PADI1: variants seen among roughly 807,000 people sequenced by gnomAD.
The protein encoded by PADI1 is protein-arginine deiminase type-1.
Under a neutral mutation model 74.8 loss-of-function variants are expected in PADI1, and 65 were observed. The observed-to-expected ratio is 0.87, with a 90% CI of 0.71 to 1.07. The LOEUF is 1.07. Among genes scored for constraint, PADI1 ranks in the 50% least tolerant of loss-of-function variants. The pLI is 0.00. For missense variants in PADI1, 943 were observed against 854.0 expected, an observed-to-expected ratio of 1.10 and a Z score of -1.30; for synonymous variants, 371 against 336.2, an observed-to-expected ratio of 1.10 and a Z score of -1.13.
chr1:17,216,960 A>T (rs1442134901), intron 1 of PADI1, among the ~76,000 whole-genome samples: 1 of 149,074 alleles, frequency 6.7e-6, no homozygotes, highest in East Asian at 2.0e-4. Context: ...AACCATATTG[A>T]TGTGGCAGGT....
intron 15 of PADI1, among the ~76,000 whole-genome samples, chr1:17,242,510 G>A (rs1354002822): frequency 6.6e-6 from 1 of 152,192 alleles, no homozygotes; most frequent in East Asian, 1.9e-4. Context: ...TGAAGGTGGC[G>A]GGGAGGGCCT....
At position 17,244,036 on chromosome 1, in the gene PADI1, C is replaced by T. The variant is rs760105951; in HGVS notation, c.1785C>T (p.Tyr595=). The T allele has an allele frequency of 1.9e-6, 3 of 1,613,988 alleles. No homozygotes were observed. The highest frequency in any genetic ancestry group is 1.7e-6 in the Non-Finnish European group (2 of 1,179,886). The part of the protein sequence containing the change: ...DMVNMVVLGK[Y]LGIPKPYGPI... ...TTAACATGGTGGTCTTAGGCAAGTACCTGGGCATCCCCAAGCCCTACGGGC... is the reference window on the plus strand; with the variant it reads ...TTAACATGGTGGTCTTAGGCAAGTATCTGGGCATCCCCAAGCCCTACGGGC... The change falls in exon 16 of 16, where the codon TAC becomes TAT. Residue 595 remains tyrosine, a synonymous_variant. Coordinates refer to ENST00000375471, the MANE Select transcript of PADI1 (RefSeq NM_013358.3).
rs759785944 is a variant in PADI1, at chr1:17,237,345, C to T, written c.1345C>T (p.Arg449Trp). The change falls in exon 12 of 16, where the codon CGG (arginine) becomes TGG (tryptophan). Residue 449 changes from arginine (R) to tryptophan (W), a missense_variant. Physicochemically the swap from Arg to Trp is moderately radical, Grantham distance 101. Transcript: ENST00000375471. ...TGGGCGGCAGATGGCCAGGGCAGTG[C>T]GGAACTTCCTGAAGGCACAGCAGGT... ...SGGRQMARAV[R>W]NFLKAQQVQA... is the part of the protein sequence containing the mutation. 66 of 1,611,694 alleles carry T rather than the reference C, an allele frequency of 4.1e-5. No individual in the cohort carries two copies. The highest frequency in any genetic ancestry group is 5.3e-5 in the Non-Finnish European group (62 of 1,178,810).
intron 15 of PADI1, among the ~76,000 whole-genome samples, chr1:17,243,235 C>T (rs2072813007): frequency 2.0e-5 from 3 of 152,218 alleles, no homozygotes; most frequent in African/African-American, 4.8e-5. Flanking sequence ...GGAGAATTCC[C>T]ATCCCCAGAT....
chr1:17,232,937 T>G lies in PADI1; in HGVS notation c.1280T>G (p.Leu427Arg). ...PVTVGGTEYPLGRILIGSSFP... is the reference protein window; with the variant it reads ...PVTVGGTEYPRGRILIGSSFP... ...ACGGTGGGCGGCACGGAATACCCCCTGGGCCGGATCCTCATCGGGAGCAGC... is the reference window on the plus strand; with the variant it reads ...ACGGTGGGCGGCACGGAATACCCCCGGGGCCGGATCCTCATCGGGAGCAGC... The change falls in exon 11 of 16, where the codon CTG becomes CGG. Residue 427 changes from leucine to arginine, a missense_variant. Transcript: ENST00000375471. 1 of 1,610,942 alleles carries G rather than the reference T, an allele frequency of 6.2e-7. No individual in the cohort carries two copies. Among genetic ancestry groups the G allele is most frequent in the Non-Finnish European group, 8.5e-7 (1 of 1,179,336 alleles).
At chr1:17,211,414 C>T (rs2071831341) in intron 1 of PADI1, among the ~76,000 whole-genome samples, 1 of 152,042 alleles carries the variant, frequency 6.6e-6, no homozygotes, top group Non-Finnish European at 1.5e-5. Context: ...TGACCTCAGC[C>T]TCCCAAAGTG....
In PADI1 at chr1:17,244,803, G is replaced by A. The variant is rs983472591; in HGVS notation, c.*560G>A. ...CCCATCCAGCACCCTTCAGCTGTGT[G>A]TGGACAAACAAGGACAGAAAAACCC... On this transcript the variant is annotated 3_prime_UTR_variant, in exon 16 of 16. Coordinates refer to ENST00000375471, the MANE Select transcript of PADI1 (RefSeq NM_013358.3). 4 of 239,524 alleles carry A rather than the reference G, an allele frequency of 1.7e-5. No homozygotes were observed. Among genetic ancestry groups the A allele is most frequent in the South Asian group, 5.3e-5 (1 of 18,750 alleles). The allele number at this position is 239,524 out of a possible 1,614,324, so 14.8% of individuals were successfully genotyped here.
intron 11 of PADI1, among the ~76,000 whole-genome samples, 172 bp from the exon 12 acceptor site, chr1:17,237,142 C>T (rs2072662385): frequency 6.6e-6 from 1 of 152,270 alleles, no homozygotes; most frequent in Non-Finnish European, 1.5e-5. Flanking sequence ...CAAATGCACA[C>T]ACAAATGCAC....
intron 15 of PADI1, 102 bp downstream of exon 15, chr1:17,240,862 C>G: frequency 1.6e-6 from 2 of 1,279,850 alleles, no homozygotes; most frequent in Non-Finnish European, 1.1e-6. Context: ...GAGGGCCCTG[C>G]GGACCTCTCC....
intron 6 of PADI1, among the ~76,000 whole-genome samples, chr1:17,227,491 A>G (rs2072349738): frequency 6.6e-6 from 1 of 151,796 alleles, no homozygotes; most frequent in Admixed American, 6.6e-5. Flanking sequence ...TGTTCATGCC[A>G]CTGCACTCCA....
chr1:17,216,897 T>C (rs923107659), intron 1 of PADI1, among the ~76,000 whole-genome samples: 1 of 151,782 alleles, frequency 6.6e-6, no homozygotes, highest in Non-Finnish European at 1.5e-5. Context: ...TAAAATAAAA[T>C]GCCTGGTAGA....
intron 1 of PADI1, among the ~76,000 whole-genome samples, chr1:17,221,433 C>T (rs1354807576): frequency 6.9e-6 from 1 of 144,152 alleles, no homozygotes; most frequent in Non-Finnish European, 1.5e-5. Flanking sequence ...TGCACCACTG[C>T]ACTCCAACCT....
chr1:17,222,252 GGAAGA>G (rs1557460912), intron 1 of PADI1, 33 bp from the exon 2 acceptor site: 1 of 1,546,102 alleles, frequency 6.5e-7, no homozygotes, highest in Non-Finnish European at 8.9e-7. Context: ...AAGAGAGATG[GGAAGA>G]CTGGTTCTCT....
At chr1:17,230,976 G>A (rs1007290031) in intron 10 of PADI1, among the ~76,000 whole-genome samples, 4 of 152,214 alleles carry the variant, frequency 2.6e-5, no homozygotes, top group African/African-American at 9.6e-5. Context: ...AATTGGCAGT[G>A]TGGTCAGCTC....
At chr1:17,218,734 T>C (rs1416954874) in intron 1 of PADI1, among the ~76,000 whole-genome samples, 4 of 151,696 alleles carry the variant, frequency 2.6e-5, no homozygotes, top group Non-Finnish European at 2.9e-5. Flanking sequence ...TGGGGATGGG[T>C]GATATTCACG....
At chr1:17,230,278 A>C (rs1251609021) in intron 9 of PADI1, 70 bp downstream of exon 9, 1 of 1,562,176 alleles carries the variant, frequency 6.4e-7, no homozygotes, top group Non-Finnish European at 8.7e-7. Context: ...CAGGTGCCTG[A>C]TGGACCCAGT....
intron 1 of PADI1, among the ~76,000 whole-genome samples, chr1:17,217,436 A>G (rs1372721608): frequency 6.6e-6 from 1 of 152,174 alleles, no homozygotes; most frequent in African/African-American, 2.4e-5. Context: ...CTCTCGGGGA[A>G]GGCTGGGAGA....
rs757210530 is a variant in PADI1 at position 17,230,554 on chromosome 1, T to C, written c.1054-18T>C. On this transcript the variant is annotated intron_variant, in intron 9 of 15. Coordinates refer to ENST00000375471, the MANE Select transcript of PADI1 (RefSeq NM_013358.3). ...CCCGAAAAAGGTCACTGTGGCTTTT[T>C]CATCTCTCCCCTCCCAGGACGAGAT... 13 of 1,564,086 alleles carry C rather than the reference T, an allele frequency of 8.3e-6. No homozygotes were observed. The Middle Eastern group carries it at 5.0e-4, about 61-fold the overall frequency.
chr1:17,217,154 C>G (rs978757706), intron 1 of PADI1, among the ~76,000 whole-genome samples: 1 of 152,020 alleles, frequency 6.6e-6, no homozygotes, highest in Non-Finnish European at 1.5e-5. Flanking sequence ...TGCCCGTTGC[C>G]GATGGTGCCT....
Sources: gnomAD v4.1 joint callset for allele counts (sites outside exome capture counted in the v4.1 genomes callset) on GRCh38, gnomAD v4.1.1 for gene constraint, MANE v1.5 for transcripts, NCBI Gene and HGNC (gene_info 2026-07-23, HGNC 2026-07-21) for gene names.